Variants in STATH observed in about 807,000 individuals in gnomAD.
STATH encodes statherin.
STATH carries 11 observed loss-of-function variants against 13.3 expected under a neutral mutation model. That is an observed-to-expected ratio of 0.83 (90% CI 0.52 to 1.37). The LOEUF (loss-of-function observed/expected upper bound fraction) is 1.37, where lower values mean the gene tolerates loss of function less well. Among genes scored for constraint, STATH ranks in the 40% most tolerant of loss-of-function variants. The pLI is 0.00. For missense variants in STATH, 78 were observed against 73.3 expected, an observed-to-expected ratio of 1.06 and a Z score of -0.24; for synonymous variants, 25 against 23.6, an observed-to-expected ratio of 1.06 and a Z score of -0.17.
intron 2 of STATH, 192 bp downstream of exon 2, chr4:69,998,680 A>G (rs1449778847): frequency 2.4e-6 from 1 of 419,884 alleles, no homozygotes; most frequent in East Asian, 3.4e-5. Context: ...GTCATTATTC[A>G]TCTACAGACA....
chr4:70,000,888 T>C lies in STATH; in HGVS notation c.128T>C (p.Val43Ala), dbSNP rs553155763. 86 of 1,612,204 alleles carry C rather than the reference T, an allele frequency of 5.3e-5. 1 individual carries two copies. In the South Asian group the frequency reaches 8.7e-4, roughly 16 times the overall value. ...TATGGGTATGGCCCTTATCAGCCAG[T>C]TCCAGAACAACCACTATACCCACAA... The part of the protein sequence containing the change: ...FGYGYGPYQP[V>A]PEQPLYPQPY... Residue 43 changes from valine (V) to alanine (A), a missense_variant, in exon 5 of 6, where the codon GTT (valine) becomes GCT (alanine). Coordinates refer to ENST00000246895, the MANE Select transcript of STATH (RefSeq NM_003154.3).
intron 4 of STATH, 24 bp from the exon 5 acceptor site, chr4:70,000,839 T>G (rs867079559): frequency 7.5e-6 from 12 of 1,590,128 alleles, no homozygotes; most frequent in Middle Eastern, 1.7e-4. Context: ...TTCTGCAATT[T>G]TCTTTCTCCT....
chr4:69,996,039 G>A lies in STATH; in HGVS notation c.-16+14G>A, dbSNP rs1172195269. ...CTTGAGTAAAAGGTAATATGTTCAT[G>A]TATAATCGAATATGTTGTCTTAATC... On this transcript the variant is annotated intron_variant, in intron 1 of 5. Coordinates refer to ENST00000246895, the MANE Select transcript of STATH (RefSeq NM_003154.3). The A allele has an allele frequency of 6.6e-6, 1 of 152,130 alleles. No homozygotes were observed. The highest frequency in any genetic ancestry group is 1.9e-4 in the East Asian group (1 of 5,188). 9.4% of individuals were successfully genotyped at this position (152,130 alleles called of 1,614,324 possible). A position where few individuals can be genotyped will look rare whatever the true frequency, so the allele number is the denominator to read the frequency against.
At chr4:69,997,138 G>T (rs571309618) in intron 1 of STATH, among the ~76,000 whole-genome samples, 9 of 151,760 alleles carry the variant, frequency 5.9e-5, no homozygotes, top group African/African-American at 2.2e-4. Context: ...TAGAGACGGG[G>T]TTTCTCCATG....
chr4:69,997,514 G>A (rs1002155519), intron 1 of STATH, among the ~76,000 whole-genome samples: 3 of 151,906 alleles, frequency 2.0e-5, no homozygotes, highest in African/African-American at 7.3e-5. Flanking sequence ...AACTCTTGTG[G>A]CAATTATGTG....
chr4:70,001,982 G>A (rs1261165830), intron 5 of STATH, among the ~76,000 whole-genome samples: 4 of 151,776 alleles, frequency 2.6e-5, no homozygotes, highest in Non-Finnish European at 4.4e-5. Flanking sequence ...AATTTAAATT[G>A]TAGATGCTGA....
intron 2 of STATH, 30 bp downstream of exon 2, chr4:69,998,518 G>C: frequency 6.3e-7 from 1 of 1,590,344 alleles, no homozygotes; most frequent in Non-Finnish European, 8.6e-7. Context: ...TGAAGAATAT[G>C]TTCTCAGTAC....
At chr4:70,000,791 C>A (rs1472978228) in intron 4 of STATH, 72 bp from the exon 5 acceptor site, 5 of 1,112,848 alleles carry the variant, frequency 4.5e-6, no homozygotes, top group Non-Finnish European at 6.8e-6. Context: ...ACAATCTAAG[C>A]TTCTAATAAA....
In STATH at chr4:70,002,270, A is replaced by G. The variant is rs1264495450; in HGVS notation, c.*115A>G. On this transcript the variant is annotated 3_prime_UTR_variant, in exon 6 of 6. Transcript: ENST00000246895. Reference sequence around the variant, plus strand: ...CACTACTACCACTTTTTGAAGAATCATCAAAGAGCAATGCAAATGAAAAAC... The same window carrying G: ...CACTACTACCACTTTTTGAAGAATCGTCAAAGAGCAATGCAAATGAAAAAC... The G allele has an allele frequency of 6.6e-6, 1 of 151,664 alleles. No individual in the cohort carries two copies. The highest frequency in any genetic ancestry group is 1.9e-4 in the East Asian group (1 of 5,178). 9.4% of individuals were successfully genotyped at this position (151,664 alleles called of 1,614,324 possible).
chr4:70,000,690 C>A, intron 4 of STATH, 173 bp from the exon 5 acceptor site: 1 of 579,652 alleles, frequency 1.7e-6, no homozygotes. Context: ...TTTTTACCTG[C>A]TTTTAAAATG....
intron 2 of STATH, chr4:69,998,799 C>A (rs1419859575): frequency 5.2e-6 from 1 of 193,802 alleles, no homozygotes; most frequent in Non-Finnish European, 1.0e-5. Context: ...ATGCTCTAGA[C>A]AATCTGAAGT....
chr4:70,001,996 A>T (rs1448900765), intron 5 of STATH, among the ~76,000 whole-genome samples, 193 bp from the exon 6 acceptor site: 1 of 151,854 alleles, frequency 6.6e-6, no homozygotes, highest in African/African-American at 2.4e-5. Flanking sequence ...ATGCTGAATG[A>T]TAATTTTTAT....
intron 4 of STATH, 30 bp downstream of exon 4, chr4:69,999,839 C>A: frequency 6.2e-7 from 1 of 1,608,986 alleles, no homozygotes; most frequent in Non-Finnish European, 8.5e-7. Context: ...GCTGTGTAGT[C>A]CAAATAAATT....
intron 4 of STATH, 102 bp from the exon 5 acceptor site, chr4:70,000,754 AGTAATAT>A (rs1724634532): frequency 5.2e-6 from 4 of 763,858 alleles, no homozygotes; most frequent in Non-Finnish European, 8.9e-6. Context: ...AAATCTTATA[AGTAATAT>A]GTAAGTTCCT....
chr4:69,998,166 C>T (rs1724559193), intron 1 of STATH, among the ~76,000 whole-genome samples: 1 of 152,064 alleles, frequency 6.6e-6, no homozygotes, highest in Non-Finnish European at 1.5e-5. Context: ...ACCTTCATAC[C>T]CCTATTCTCT....
chr4:69,999,403 T>C (rs922896794), intron 2 of STATH, among the ~76,000 whole-genome samples: 1 of 151,936 alleles, frequency 6.6e-6, no homozygotes, highest in Non-Finnish European at 1.5e-5. Context: ...CATTCACCAA[T>C]GATAACCATT....
chr4:70,000,687 C>A (rs1253978961), intron 4 of STATH, 176 bp from the exon 5 acceptor site: 5 of 575,508 alleles, frequency 8.7e-6, no homozygotes, highest in East Asian at 5.6e-5. Context: ...TCATTTTTAC[C>A]TGCTTTTAAA....
chr4:69,998,144 A>T (rs1028091019), intron 1 of STATH, among the ~76,000 whole-genome samples: 3 of 152,042 alleles, frequency 2.0e-5, no homozygotes, highest in African/African-American at 7.2e-5. Flanking sequence ...CTCAAGCTTT[A>T]CTTTCTTCTT....
intron 1 of STATH, among the ~76,000 whole-genome samples, chr4:69,996,988 A>G (rs1290519916): frequency 7.3e-6 from 1 of 136,744 alleles, no homozygotes; most frequent in Non-Finnish European, 1.5e-5. Flanking sequence ...CCCAGGCTGG[A>G]GTGCAATGGT....
Sources: allele counts gnomAD v4.1 joint callset (sites outside exome capture counted in the v4.1 genomes callset), GRCh38; gene constraint gnomAD v4.1.1; transcripts MANE v1.5; gene names NCBI Gene and HGNC (gene_info 2026-07-23, HGNC 2026-07-21).